The following CYBA variants were observed in gnomAD, a reference collection of about 807,000 sequenced individuals.
CYBA encodes the protein cytochrome b-245 alpha chain.
A neutral mutation model predicts 20.8 loss-of-function variants in CYBA; 21 were observed. That is an observed-to-expected ratio of 1.01 (90% CI 0.72 to 1.46). The LOEUF (loss-of-function observed/expected upper bound fraction) is 1.46, where lower values mean the gene tolerates loss of function less well. Among genes scored for constraint, CYBA ranks in the 40% most tolerant of loss-of-function variants. The probability of loss-of-function intolerance (pLI) is 0.00; values close to 1 mark genes in which losing one functional copy is unlikely to be tolerated. For missense variants in CYBA, 344 were observed against 287.0 expected (o/e 1.20, Z -1.43); for synonymous variants, 164 against 127.5 (o/e 1.29, Z -1.93).
rs777048163 is a variant in CYBA, at chr16:88,651,008, C to T, written c.6G>A (p.Gly2=). 1.3e-6 allele frequency: 2 copies of T among 1,596,058 alleles called. No individual in the cohort carries two copies. The highest frequency in any genetic ancestry group is 2.3e-5 in the East Asian group (1 of 43,730). ...TGGCCCACATGGCCCACTCGATCTG[C>T]CCCATGGCGACACGAACCCGGCTGG... The part of the protein sequence containing the change: M[G]QIEWAMWANE... Residue 2 remains glycine, a synonymous_variant, in exon 1 of 6, where the codon GGG becomes GGA. Transcript: ENST00000261623.
At chr16:88,646,338 G>T in intron 4 of CYBA, 141 bp from the exon 5 acceptor site, 1 of 522,626 alleles carries the variant, frequency 1.9e-6, no homozygotes, top group South Asian at 1.9e-5. Context: ...ACCGGGGCTT[G>T]TTTCGGTCCT....
rs1907503583 is a variant in CYBA at position 88,650,938 on chromosome 16, T to TCCC, written c.58+15_58+17dup. 1 of 1,583,626 alleles carries TCCC rather than the reference T, an allele frequency of 6.3e-7. No individual in the cohort carries two copies. Among genetic ancestry groups the TCCC allele is most frequent in the Admixed American group, 1.8e-5 (1 of 56,338 alleles). ...CCCCTCCAGGCTGCAGCCTCCACCG[T>TCCC]CCCTGACGTGCACTCACTCAGGCCG... On this transcript the variant is annotated intron_variant, in intron 1 of 5. Transcript: ENST00000261623.
At position 88,643,540 on chromosome 16, in the gene CYBA, A is replaced by T. The variant is rs2142869976; in HGVS notation, c.401T>A (p.Ile134Asn). The T allele has an allele frequency of 6.5e-7, 1 of 1,534,680 alleles. No individual in the cohort carries two copies. The highest frequency in any genetic ancestry group is 8.7e-7 in the Non-Finnish European group (1 of 1,146,684). Residue 134 changes from isoleucine (I) to asparagine (N), a missense_variant, in exon 6 of 6, where the codon ATC becomes AAC. Transcript: ENST00000261623. This position sits in a 1 kb window ranked among gnomAD's most constrained non-coding sequence, Gnocchi z 4.3. Reference sequence around the variant, plus strand: ...CGGCCGCTCCCGGGGCTTGGGCTCGATGGGCGTCCACTGCTCGCCACGCAC... The same window carrying T: ...CGGCCGCTCCCGGGGCTTGGGCTCGTTGGGCGTCCACTGCTCGCCACGCAC... ...AAVRGEQWTP[I>N]EPKPRERPQI...
At chr16:88,644,629 T>C (rs1475790543) in intron 5 of CYBA, 2 of 163,910 alleles carry the variant, frequency 1.2e-5, no homozygotes, top group Admixed American at 1.1e-4. Flanking sequence ...ATCCAGACCA[T>C]CCTGGCTAAC....
intron 5 of CYBA, 27 bp downstream of exon 5, chr16:88,646,089 G>T: frequency 6.5e-7 from 1 of 1,539,994 alleles, no homozygotes; most frequent in Non-Finnish European, 8.8e-7. Context: ...GGGGTGGCCG[G>T]GGCCGACCTC....
rs117176859 is a variant in CYBA, at chr16:88,647,264, G to A, written c.129-89C>T. ...CTGAAGACAACACAGAGAGGGGCCC[G>A]AGCACGGTGGCTCATGCCTGGAATC... On this transcript the variant is annotated intron_variant, in intron 2 of 5. Coordinates refer to ENST00000261623, the MANE Select transcript of CYBA (RefSeq NM_000101.4). 1.8e-3 allele frequency: 2,314 copies of A among 1,267,744 alleles called. 52 individuals carry two copies. In the East Asian group the frequency reaches 0.049, roughly 27 times the overall value. 78.5% of individuals were successfully genotyped at this position (1,267,744 alleles called of 1,614,324 possible). A position where few individuals can be genotyped will look rare whatever the true frequency, so the allele number is the denominator to read the frequency against.
At chr16:88,650,816 C>T in intron 1 of CYBA, 140 bp downstream of exon 1, 1 of 883,362 alleles carries the variant, frequency 1.1e-6, no homozygotes, top group South Asian at 1.4e-5. Context: ...CCGTTCCCCG[C>T]ACCCTCCTGG....
chr16:88,645,034 T>TG, intron 5 of CYBA: 1 of 629,584 alleles, frequency 1.6e-6, no homozygotes, highest in East Asian at 2.7e-5. Context: ...TGGGGCCACA[T>TG]GGCTGGTGGT....
At chr16:88,647,530 T>C (rs895724447) in intron 2 of CYBA, among the ~76,000 whole-genome samples, 1 of 152,142 alleles carries the variant, frequency 6.6e-6, no homozygotes, top group Non-Finnish European at 1.5e-5. Flanking sequence ...AGCGAGACCC[T>C]GTCTCAAAAA....
chr16:88,647,710 A>T, intron 2 of CYBA: 1 of 439,596 alleles, frequency 2.3e-6, no homozygotes, highest in Non-Finnish European at 4.2e-6. Flanking sequence ...CAGAGGAGGT[A>T]GAGGGGCCGG....
intron 5 of CYBA, chr16:88,645,906 G>A (rs2142873328): frequency 3.4e-6 from 2 of 595,362 alleles, no homozygotes; most frequent in East Asian, 2.8e-5. Context: ...GGAAATGCAA[G>A]GAAATGACCC....
At position 88,646,126 on chromosome 16, in the gene CYBA, A is replaced by G. The variant is rs1437069811; in HGVS notation, c.359T>C (p.Ile120Thr). The change falls in exon 5 of 6, where the codon ATC (isoleucine) becomes ACC (threonine). Residue 120 changes from isoleucine (I) to threonine (T), a missense_variant. Ile to Thr is a moderately conservative substitution (Grantham distance 89, BLOSUM62 -1). Transcript: ENST00000261623. The stretch of plus-strand genomic sequence containing the variant: ...GAGGGCGCCACTCACCAGTAGGTAG[A>G]TGCCGCTCGCAATGGCCAGGCAGGC... ...GTACLAIASG[I>T]YLLAAVRGEQ... 6.4e-7 allele frequency: 1 copy of G among 1,554,692 alleles called. No individual in the cohort carries two copies. The highest frequency in any genetic ancestry group is 8.7e-7 in the Non-Finnish European group (1 of 1,150,694).
chr16:88,650,720 G>C, intron 1 of CYBA: 2 of 612,808 alleles, frequency 3.3e-6, no homozygotes, highest in Non-Finnish European at 5.9e-6. Flanking sequence ...AATGGGGGAG[G>C]GGCGCCGCGC....
chr16:88,647,250 A>G, intron 2 of CYBA, 75 bp from the exon 3 acceptor site: 1 of 1,422,884 alleles, frequency 7.0e-7, no homozygotes, highest in Non-Finnish European at 9.8e-7. Flanking sequence ...TGAAGACAAC[A>G]CAGAGAGGGG....
chr16:88,646,270 G>A, intron 4 of CYBA, 73 bp from the exon 5 acceptor site: 2 of 1,348,758 alleles, frequency 1.5e-6, no homozygotes, highest in Admixed American at 2.0e-5. Context: ...CAGGTCTGGG[G>A]GCCAAGGCCA....
At position 88,643,329 on chromosome 16, in the gene CYBA, C is replaced by A; in HGVS notation, c.*24G>T. 6.8e-7 allele frequency: 1 copy of A among 1,470,612 alleles called. No homozygotes were observed. The highest frequency in any genetic ancestry group is 9.0e-7 in the Non-Finnish European group (1 of 1,105,374). 91.1% of individuals were successfully genotyped at this position (1,470,612 alleles called of 1,614,324 possible). ...ATTTATTGCAGGTGGGTGCACCTGG[C>A]GGGAGGGCAGGTCCGGGGCGAGGTC... On this transcript the variant is annotated 3_prime_UTR_variant, in exon 6 of 6. Transcript: ENST00000261623. This position sits in a 1 kb window ranked among gnomAD's most constrained non-coding sequence, Gnocchi z 4.3.
Position 88,650,992 on chromosome 16 carries a change from T to C in CYBA, c.22A>G (p.Met8Val), listed in dbSNP as rs554290586. The C allele has an allele frequency of 5.6e-6, 9 of 1,598,014 alleles. No individual in the cohort carries two copies. Among genetic ancestry groups the C allele is most frequent in the Admixed American group, 1.7e-5 (1 of 58,632 alleles). Residue 8 changes from methionine (M) to valine (V), a missense_variant, in exon 1 of 6, where the codon ATG becomes GTG. Met to Val is a conservative substitution (Grantham distance 21). Coordinates refer to ENST00000261623, the MANE Select transcript of CYBA (RefSeq NM_000101.4). The part of the protein sequence containing the change: MGQIEWA[M>V]WANEQALASG... ...GCCAGCGCCTGTTCGTTGGCCCACA[T>C]GGCCCACTCGATCTGCCCCATGGCG...
intron 5 of CYBA, 185 bp downstream of exon 5, chr16:88,645,931 G>GT: frequency 3.3e-6 from 2 of 610,864 alleles, no homozygotes; most frequent in Non-Finnish European, 5.9e-6. Flanking sequence ...CACTAGACAC[G>GT]CCAAAAATGG....
chr16:88,647,205 G>T (rs1175109606), intron 2 of CYBA, 30 bp from the exon 3 acceptor site: 1 of 1,606,332 alleles, frequency 6.2e-7, no homozygotes. Context: ...GAACAGCCCA[G>T]CTCAGCCTGA....
Sources: gnomAD v4.1 joint callset for allele counts (sites outside exome capture counted in the v4.1 genomes callset) on GRCh38, gnomAD v4.1.1 for gene constraint, Gnocchi (gnomAD v3.1) non-coding constraint, MANE v1.5 for transcripts, NCBI Gene and HGNC (gene_info 2026-07-23, HGNC 2026-07-21) for gene names.